The following SIGLEC11 variants were observed in gnomAD, a reference collection of about 807,000 sequenced individuals.
The protein encoded by SIGLEC11 is sialic acid binding Ig like lectin 11.
Under a neutral mutation model 61.2 loss-of-function variants are expected in SIGLEC11, and 47 were observed. The ratio of observed to expected loss-of-function variants is 0.77; its 90% CI spans 0.61 to 0.98. The LOEUF (loss-of-function observed/expected upper bound fraction) is 0.98, where lower values mean the gene tolerates loss of function less well. Ranked by LOEUF, SIGLEC11 falls within the 50% of genes least tolerant of loss-of-function variation. The pLI, the probability that SIGLEC11 is intolerant of heterozygous loss-of-function variation, is 0.00. For synonymous variants in SIGLEC11, 278 were observed against 373.1 expected (o/e 0.75, Z 2.94); for missense variants, 610 against 870.3 (o/e 0.70, Z 3.76).
chr19:49,950,757 GTCA>G (rs1426566127), intron 10 of SIGLEC11, among the ~76,000 whole-genome samples: 1 of 152,184 alleles, frequency 6.6e-6, no homozygotes, highest in Non-Finnish European at 1.5e-5. Flanking sequence ...TAAAGCTATA[GTCA>G]ATGAAGTTAC....
chr19:49,957,405 A>AC (rs1568747798), intron 8 of SIGLEC11, among the ~76,000 whole-genome samples: 1 of 152,004 alleles, frequency 6.6e-6, no homozygotes, highest in African/African-American at 2.4e-5. Context: ...AACAAAAAAA[A>AC]CCCAAGTCTT....
chr19:49,952,496 G>A, intron 8 of SIGLEC11, 102 bp from the exon 9 acceptor site: 1 of 754,716 alleles, frequency 1.3e-6, no homozygotes, highest in South Asian at 1.8e-5. Context: ...ATCCCCAACT[G>A]AGGCAGAAAT....
In SIGLEC11 at chr19:49,961,168, C is replaced by G; in HGVS notation, c.-87G>C. On this transcript the variant is annotated 5_prime_UTR_variant, in exon 1 of 11. Transcript: ENST00000447370. ...GCAGTGACCATCCACAGAGGAGGAG[C>G]CTCGGGAACCGCTATGTCCTGAAAG... The G allele has an allele frequency of 6.6e-7, 1 of 1,512,656 alleles. No individual in the cohort carries two copies. The highest frequency in any genetic ancestry group is 8.8e-7 in the Non-Finnish European group (1 of 1,138,600). 93.7% of individuals were successfully genotyped at this position (1,512,656 alleles called of 1,614,324 possible).
rs749771103 is a variant in SIGLEC11 at position 49,949,945 on chromosome 19, G to A, written c.*25C>T. The A allele has an allele frequency of 6.4e-6, 9 of 1,407,564 alleles. No homozygotes were observed. In the African/African-American group the frequency reaches 1.3e-4, roughly 20 times the overall value. The allele number at this position is 1,407,564 out of a possible 1,614,324, so 87.2% of individuals were successfully genotyped here. A position where few individuals can be genotyped will look rare whatever the true frequency, so the allele number is the denominator to read the frequency against. The stretch of plus-strand genomic sequence containing the variant: ...CAGTGCGACTCCCACACACTTGCTG[G>A]TGTCCTGTTGCCATGGAGACCTCTT... On this transcript the variant is annotated 3_prime_UTR_variant, in exon 11 of 11. Transcript: ENST00000447370.
chr19:49,955,607 A>G lies in SIGLEC11; in HGVS notation c.1651+2676T>C, dbSNP rs546524424. 7.6e-4 allele frequency among the ~76,000 whole-genome samples: 116 copies of G among 152,324 alleles called. No homozygotes were observed. Among genetic ancestry groups the G allele is most frequent in the African/African-American group, 2.7e-3 (114 of 41,578 alleles). ...GAAGCAGAACATAGGCTTAAAAAAA[A>G]AGGCCAATCTGTTGGCAGCAGCCCT... On this transcript the variant is annotated intron_variant, in intron 8 of 10. Transcript: ENST00000447370. This position sits in a 1 kb window ranked among gnomAD's most constrained non-coding sequence, Gnocchi z 4.5.
Position 49,960,294 on chromosome 19 carries a change from A to G in SIGLEC11, c.588T>C (p.Ala196=), listed in dbSNP as rs1209176803. Residue 196 remains alanine, a synonymous_variant, in exon 3 of 11, where the codon GCT becomes GCC. Coordinates refer to ENST00000447370, the MANE Select transcript of SIGLEC11 (RefSeq NM_052884.3). ...CPAPSFSWTG[A]ALSPRRTRPS... is the part of the protein sequence containing the mutation. ...GTCTGGTTCTTCTAGGGGAGAGGGCAGCCCCCGTCCAGGAGAAAGAAGGGG... is the reference window on the plus strand; with the variant it reads ...GTCTGGTTCTTCTAGGGGAGAGGGCGGCCCCCGTCCAGGAGAAAGAAGGGG... The G allele has an allele frequency of 6.2e-6, 10 of 1,602,440 alleles. No homozygotes were observed. In the Admixed American group the frequency reaches 1.2e-4, roughly 19 times the overall value.
At chr19:49,952,119 G>A in intron 9 of SIGLEC11, 147 bp from the exon 10 acceptor site, 1 of 1,018,256 alleles carries the variant, frequency 9.8e-7, no homozygotes, top group Non-Finnish European at 1.4e-6. Flanking sequence ...AGTGAGAACT[G>A]GGGACCCTCA....
At chr19:49,954,048 G>A (rs1257873495) in intron 8 of SIGLEC11, among the ~76,000 whole-genome samples, 1 of 152,152 alleles carries the variant, frequency 6.6e-6, no homozygotes, top group African/African-American at 2.4e-5. Flanking sequence ...GACAGCCTGA[G>A]TATCCCGATC....
chr19:49,958,479 C>A lies in SIGLEC11; in HGVS notation c.1455G>T (p.Leu485=), dbSNP rs571259246. ...GCAGCTCCTCCCCAAGCCACCAGCG[C>A]AGAGAGGGGGCCGGGCTGGCCTGGG... ...CSSQASPAPS[L]RWWLGEELLE... Residue 485 remains leucine (L), a synonymous_variant, in exon 8 of 11, where the codon CTG becomes CTT. Coordinates refer to ENST00000447370, the MANE Select transcript of SIGLEC11 (RefSeq NM_052884.3). 1.2e-4 allele frequency: 199 copies of A among 1,612,382 alleles called. No individual in the cohort carries two copies. The African/African-American group carries it at 2.4e-3, about 20-fold the overall frequency.
intron 8 of SIGLEC11, among the ~76,000 whole-genome samples, chr19:49,953,360 C>T (rs1194316561): frequency 1.3e-5 from 2 of 152,138 alleles, no homozygotes; most frequent in Non-Finnish European, 1.5e-5. Context: ...GCCTAACAGT[C>T]CGACCCAGAG....
intron 8 of SIGLEC11, 74 bp downstream of exon 8, chr19:49,958,209 C>T: frequency 6.3e-7 from 1 of 1,588,230 alleles, no homozygotes; most frequent in Admixed American, 2.0e-5. Context: ...CCTCTCCCCA[C>T]AACCTTGAAC....
In SIGLEC11 at chr19:49,951,092, G is replaced by A. The variant is rs558048735; in HGVS notation, c.1830+799C>T. On this transcript the variant is annotated intron_variant, in intron 10 of 10. Transcript: ENST00000447370. The surrounding 1 kb of genome is among the most constrained non-coding windows in gnomAD (Gnocchi z 4.6). ...AGTTTACGCCAGCACTGGGACTTAC[G>A]GCGGGGCCTACGTAGCATCAGTTTG... is the stretch of plus-strand genomic sequence containing the variant. Among the ~76,000 whole-genome samples, 59 of 152,274 alleles carry A rather than the reference G, an allele frequency of 3.9e-4. No homozygotes were observed. Among genetic ancestry groups the A allele is most frequent in the African/African-American group, 1.3e-3 (56 of 41,566 alleles).
intron 9 of SIGLEC11, 142 bp from the exon 10 acceptor site, chr19:49,952,114 G>C (rs553668117): frequency 2.0e-6 from 2 of 1,023,568 alleles, no homozygotes; most frequent in Admixed American, 5.4e-5. Context: ...TCCATAGTGA[G>C]AACTGGGGAC....
At chr19:49,952,874 C>T (rs2076167913) in intron 8 of SIGLEC11, among the ~76,000 whole-genome samples, 1 of 152,172 alleles carries the variant, frequency 6.6e-6, no homozygotes, top group African/African-American at 2.4e-5. Context: ...TGTCACCTAT[C>T]CTAAAATTAA....
rs780898655 is a variant in SIGLEC11, at chr19:49,958,783, T to C, written c.1223A>G (p.Gln408Arg). The C allele has an allele frequency of 2.5e-5, 40 of 1,613,622 alleles. No homozygotes were observed. The highest frequency in any genetic ancestry group is 3.3e-5 in the Non-Finnish European group (39 of 1,179,830). ...PARLSWTRWGQTVGPSQPSDP... is the reference protein window; with the variant it reads ...PARLSWTRWGRTVGPSQPSDP... ...TGAGGGCTGGGAGGGGCCCACGGTC[T>C]GTCCCCACCGGGTCCAGCTCAGCCT... Residue 408 changes from glutamine (Q) to arginine (R), a missense_variant, in exon 7 of 11, where the codon CAG becomes CGG. Transcript: ENST00000447370.
At chr19:49,957,692 G>T (rs1051896872) in intron 8 of SIGLEC11, among the ~76,000 whole-genome samples, 20 of 152,230 alleles carry the variant, frequency 1.3e-4, no homozygotes, top group Middle Eastern at 3.4e-3. Flanking sequence ...TTTTACTTTT[G>T]TAAGTCCGCT....
At position 49,960,395 on chromosome 19, in the gene SIGLEC11, T is replaced by A. The variant is rs1309482655; in HGVS notation, c.487A>T (p.Ile163Phe). 6.3e-7 allele frequency: 1 copy of A among 1,596,538 alleles called. No individual in the cohort carries two copies. The highest frequency in any genetic ancestry group is 1.1e-5 in the South Asian group (1 of 90,624). ...TALTKKPDVY[I>F]PETLEPGQPV... The stretch of plus-strand genomic sequence containing the variant: ...TGCCCGGGCTCCAGGGTCTCGGGGA[T>A]GTAGACATCAGGCTTCTTAGTCAGG... Residue 163 changes from isoleucine to phenylalanine, a missense_variant, in exon 3 of 11, where the codon ATC becomes TTC. This residue lies in a region of SIGLEC11 where 99 missense variants were observed against 131.6 expected (regional missense o/e 0.75). Coordinates refer to ENST00000447370, the MANE Select transcript of SIGLEC11 (RefSeq NM_052884.3).
rs567849788 is a variant in SIGLEC11, at chr19:49,952,486, A to T, written c.1652-92T>A. 111 of 856,608 alleles carry T rather than the reference A, an allele frequency of 1.3e-4. 1 individual carries two copies. Among genetic ancestry groups the T allele is most frequent in the Admixed American group, 6.0e-4 (22 of 36,448 alleles). 53.1% of individuals were successfully genotyped at this position (856,608 alleles called of 1,614,324 possible). ...CAGACCTAGAGCTCTCGGATTCTTC[A>T]TCCCCAACTGAGGCAGAAATTTAAA... On this transcript the variant is annotated intron_variant, in intron 8 of 10. Transcript: ENST00000447370.
chr19:49,959,322 C>T (rs746749510), intron 5 of SIGLEC11, 38 bp downstream of exon 5: 10 of 1,598,994 alleles, frequency 6.3e-6, no homozygotes, highest in Non-Finnish European at 8.5e-6. Context: ...TCCCTCTGCC[C>T]TCCCAATGGA....
Sources: allele counts gnomAD v4.1 joint callset (sites outside exome capture counted in the v4.1 genomes callset), GRCh38; gene constraint gnomAD v4.1.1; regional missense constraint gnomAD v4.1.1; non-coding constraint Gnocchi (gnomAD v3.1); transcripts MANE v1.5; gene names NCBI Gene and HGNC (gene_info 2026-07-23, HGNC 2026-07-21).